GRM3: variants seen among roughly 807,000 people sequenced by gnomAD.
GRM3 encodes glutamate metabotropic receptor 3.
In GRM3, 26 loss-of-function variants were observed where a neutral mutation model predicts 70.5. The ratio of observed to expected loss-of-function variants is 0.37; its 90% CI spans 0.27 to 0.51. The LOEUF is 0.51. Ranked by LOEUF, GRM3 falls within the 20% of genes least tolerant of loss-of-function variation. GRM3 has a pLI of 0.93. For synonymous variants in GRM3, 443 were observed against 434.9 expected (o/e 1.02, Z -0.23); for missense variants, 859 against 1,123.8 (o/e 0.76, Z 3.37).
intron 3 of GRM3, among the ~76,000 whole-genome samples, chr7:86,823,825 G>C (rs570230136): frequency 1.6e-4 from 24 of 152,018 alleles, no homozygotes; most frequent in Admixed American, 3.9e-4. Context: ...CCTAGTGTAG[G>C]CCAGGAGCCA....
In GRM3 at chr7:86,843,899, T is replaced by G. The variant is rs905437074; in HGVS notation, c.2391+3994T>G. Reference sequence around the variant, plus strand: ...CGGGTTACTGCAGTTTATCTCAAATTTTAACGTGCATGCAAATCACCTGGG... The same window carrying G: ...CGGGTTACTGCAGTTTATCTCAAATGTTAACGTGCATGCAAATCACCTGGG... On this transcript the variant is annotated intron_variant, in intron 4 of 5. Coordinates refer to ENST00000361669, the MANE Select transcript of GRM3 (RefSeq NM_000840.3). Among the ~76,000 whole-genome samples the G allele has an allele frequency of 7.2e-5, 11 of 152,134 alleles. No individual in the cohort carries two copies. In the East Asian group the frequency reaches 1.3e-3, roughly 19 times the overall value.
At chr7:86,758,673 T>C (rs1796406009) in intron 1 of GRM3, among the ~76,000 whole-genome samples, 1 of 152,172 alleles carries the variant, frequency 6.6e-6, no homozygotes, top group South Asian at 2.1e-4. Context: ...ATTACCAGCA[T>C]TCACCAAAGT....
At chr7:86,656,647 C>T (rs907970434) in intron 1 of GRM3, among the ~76,000 whole-genome samples, 4 of 151,812 alleles carry the variant, frequency 2.6e-5, no homozygotes, top group African/African-American at 7.3e-5. Context: ...AAATGTAATA[C>T]GCTCACTTGC....
chr7:86,790,921 T>A (rs1288272515), intron 3 of GRM3, among the ~76,000 whole-genome samples: 2 of 152,102 alleles, frequency 1.3e-5, no homozygotes, highest in Non-Finnish European at 2.9e-5. Context: ...CCTTTTGTTT[T>A]TTCACCCCAT....
intron 1 of GRM3, among the ~76,000 whole-genome samples, chr7:86,743,440 A>G (rs1796032853): frequency 6.6e-6 from 1 of 152,120 alleles, no homozygotes; most frequent in Non-Finnish European, 1.5e-5. Flanking sequence ...TGGAGATTTT[A>G]TGGCCCTTCC....
intron 2 of GRM3, among the ~76,000 whole-genome samples, chr7:86,770,557 G>A (rs1214878858): frequency 6.6e-6 from 1 of 152,078 alleles, no homozygotes; most frequent in Non-Finnish European, 1.5e-5. Context: ...GGGGAAGAGG[G>A]AAGAGCATAT....
At chr7:86,862,897 T>C (rs1414364488) in intron 5 of GRM3, among the ~76,000 whole-genome samples, 1 of 152,172 alleles carries the variant, frequency 6.6e-6, no homozygotes, top group Non-Finnish European at 1.5e-5. Context: ...ATATATCCAC[T>C]ATCAAGCATG....
Position 86,680,690 on chromosome 7 carries a change from C to T in GRM3, c.-141+35818C>T, listed in dbSNP as rs189326244. On this transcript the variant is annotated intron_variant, in intron 1 of 5. Coordinates refer to ENST00000361669, the MANE Select transcript of GRM3 (RefSeq NM_000840.3). ...TAAATGATTGCAGGGGAAGAATGATCCCAGACAGTGCAAGAACTGTATAAA... is the reference window on the plus strand; with the variant it reads ...TAAATGATTGCAGGGGAAGAATGATTCCAGACAGTGCAAGAACTGTATAAA... Among the ~76,000 whole-genome samples the T allele has an allele frequency of 1.2e-3, 185 of 152,186 alleles. 2 individuals are homozygous for T. The highest frequency in any genetic ancestry group is 4.0e-3 in the African/African-American group (165 of 41,498).
At position 86,839,571 on chromosome 7, in the gene GRM3, G is replaced by A. The variant is rs188201658; in HGVS notation, c.2057G>A (p.Ser686Asn). 6.2e-7 allele frequency: 1 copy of A among 1,612,278 alleles called. No individual in the cohort carries two copies. The highest frequency in any genetic ancestry group is 2.2e-5 in the East Asian group (1 of 44,858). ...CAGAGGCCAAAATTCATCAGCCCCAGTTCTCAGGTTTTCATCTGCCTGGGT... is the reference window on the plus strand; with the variant it reads ...CAGAGGCCAAAATTCATCAGCCCCAATTCTCAGGTTTTCATCTGCCTGGGT... ...GAQRPKFISP[S>N]SQVFICLGLI... The change falls in exon 4 of 6, where the codon AGT becomes AAT. Residue 686 changes from serine to asparagine, a missense_variant. Physicochemically the swap from Ser to Asn is conservative, Grantham distance 46. Coordinates refer to ENST00000361669, the MANE Select transcript of GRM3 (RefSeq NM_000840.3). The surrounding 1 kb of genome is among the most constrained non-coding windows in gnomAD (Gnocchi z 4.5).
chr7:86,696,609 C>T (rs1445927765), intron 1 of GRM3, among the ~76,000 whole-genome samples: 1 of 152,098 alleles, frequency 6.6e-6, no homozygotes, highest in African/African-American at 2.4e-5. Context: ...TACTAATATA[C>T]CATCAGTACC....
intron 1 of GRM3, among the ~76,000 whole-genome samples, chr7:86,705,215 TTCTG>T (rs1272970995): frequency 6.6e-6 from 1 of 152,006 alleles, no homozygotes; most frequent in Non-Finnish European, 1.5e-5. Flanking sequence ...CCTTCCTTCC[TTCTG>T]TCTTTCTTTT....
intron 1 of GRM3, among the ~76,000 whole-genome samples, chr7:86,732,853 C>T (rs946190274): frequency 6.6e-6 from 1 of 152,114 alleles, no homozygotes; most frequent in Non-Finnish European, 1.5e-5. Context: ...GCACCTCACA[C>T]GGCAAGACCA....
chr7:86,781,077 C>A (rs1000371099), intron 2 of GRM3, among the ~76,000 whole-genome samples: 1 of 152,072 alleles, frequency 6.6e-6, no homozygotes, highest in Non-Finnish European at 1.5e-5. Flanking sequence ...GCACTCTTTA[C>A]CTTAGTTTCT....
At chr7:86,745,327 A>G (rs1796077249) in intron 1 of GRM3, among the ~76,000 whole-genome samples, 1 of 152,104 alleles carries the variant, frequency 6.6e-6, no homozygotes, top group Non-Finnish European at 1.5e-5. Context: ...CAAAGGATAA[A>G]GATAGCAGCC....
At chr7:86,763,303 T>A (rs1562852560) in intron 1 of GRM3, among the ~76,000 whole-genome samples, 1 of 152,164 alleles carries the variant, frequency 6.6e-6, no homozygotes, top group South Asian at 2.1e-4. Context: ...GGCTGCAACC[T>A]GTCAGAAGAA....
intron 1 of GRM3, among the ~76,000 whole-genome samples, chr7:86,712,424 T>C (rs1795219933): frequency 6.6e-6 from 1 of 152,074 alleles, no homozygotes; most frequent in Admixed American, 6.6e-5. Flanking sequence ...ATTCAAATAA[T>C]GTACAAAGAT....
At chr7:86,734,498 A>G (rs1347871565) in intron 1 of GRM3, among the ~76,000 whole-genome samples, 1 of 152,222 alleles carries the variant, frequency 6.6e-6, no homozygotes, top group Non-Finnish European at 1.5e-5. Flanking sequence ...AGAATTAGTC[A>G]TAAGCCATTA....
At position 86,649,135 on chromosome 7, in the gene GRM3, G is replaced by A. The variant is rs557648297; in HGVS notation, c.-141+4263G>A. Among the ~76,000 whole-genome samples the A allele has an allele frequency of 2.0e-5, 3 of 152,200 alleles. No homozygotes were observed. In the East Asian group the frequency reaches 5.8e-4, roughly 29 times the overall value. On this transcript the variant is annotated intron_variant, in intron 1 of 5. Coordinates refer to ENST00000361669, the MANE Select transcript of GRM3 (RefSeq NM_000840.3). ...TTAAACAAATAAAATTAGACTGCAC[G>A]AAATAATTTTTAAACAAGTACTCTC...
chr7:86,649,366 T>A (rs1009237743), intron 1 of GRM3, among the ~76,000 whole-genome samples: 1 of 152,150 alleles, frequency 6.6e-6, no homozygotes, highest in African/African-American at 2.4e-5. Flanking sequence ...CTTCATCATA[T>A]TGAACAATCT....
Sources: gnomAD v4.1 joint callset for allele counts (sites outside exome capture counted in the v4.1 genomes callset) on GRCh38, gnomAD v4.1.1 for gene constraint, Gnocchi (gnomAD v3.1) non-coding constraint, MANE v1.5 for transcripts, NCBI Gene and HGNC (gene_info 2026-07-23, HGNC 2026-07-21) for gene names.